Variants in COA5 observed in about 807,000 individuals in gnomAD.
COA5 encodes the protein cytochrome c oxidase assembly factor 5, also known as protein C2orf64.
A neutral mutation model predicts 11.8 loss-of-function variants in COA5; 11 were observed. The ratio of observed to expected loss-of-function variants is 0.93; its 90% CI spans 0.59 to 1.54. The LOEUF (loss-of-function observed/expected upper bound fraction) is 1.54. Among genes scored for constraint, COA5 ranks in the 40% most tolerant of loss-of-function variants. The probability of loss-of-function intolerance (pLI) is 0.00; values close to 1 mark genes in which losing one functional copy is unlikely to be tolerated. For missense variants in COA5, 87 were observed against 89.2 expected (o/e 0.97, Z 0.10); for synonymous variants, 38 against 37.5 (o/e 1.01, Z -0.05).
In COA5 at chr2:98,608,326, T is replaced by G. The variant is rs1559146171; in HGVS notation, c.80A>C (p.Gln27Pro). Residue 27 changes from glutamine (Q) to proline (P), a missense_variant, in exon 1 of 3, where the codon CAG (glutamine) becomes CCG (proline). Physicochemically the swap from Gln to Pro is moderately conservative, Grantham distance 76. Coordinates refer to ENST00000328709, the MANE Select transcript of COA5 (RefSeq NM_001008215.3). ...LKEDLGACLL[Q>P]SDCVVQEGKS... is the part of the protein sequence containing the mutation. ...CGCTACCTGGACCACACAGTCCGAC[T>G]GCAGCAGACACGCGCCCAGGTCCTC... 5.0e-6 allele frequency: 8 copies of G among 1,607,192 alleles called. No homozygotes were observed. The highest frequency in any genetic ancestry group is 6.8e-6 in the Non-Finnish European group (8 of 1,177,708).
chr2:98,605,363 G>A (rs925990694), intron 1 of COA5, among the ~76,000 whole-genome samples: 1 of 152,148 alleles, frequency 6.6e-6, no homozygotes, highest in Non-Finnish European at 1.5e-5. Context: ...TAAGGTTGCC[G>A]GGCCTGATGA....
Position 98,600,535 on chromosome 2 carries a change from A to G in COA5, c.*217T>C, listed in dbSNP as rs998426227. 2 of 581,636 alleles carry G rather than the reference A, an allele frequency of 3.4e-6. No homozygotes were observed. The highest frequency in any genetic ancestry group is 3.7e-5 in the African/African-American group (2 of 53,392). 36.0% of individuals were successfully genotyped at this position (581,636 alleles called of 1,614,324 possible). The stretch of plus-strand genomic sequence containing the variant: ...TTATGCTCCCAACCCATACCTGTTC[A>G]ATTAGGTTTTTCTTCTAAAAATAAC... On this transcript the variant is annotated 3_prime_UTR_variant, in exon 3 of 3. Transcript: ENST00000328709.
At chr2:98,601,497 A>G (rs1388155828) in intron 2 of COA5, among the ~76,000 whole-genome samples, 1 of 152,212 alleles carries the variant, frequency 6.6e-6, no homozygotes, top group African/African-American at 2.4e-5. Context: ...ACCACCTCAC[A>G]AACTGGCAGC....
chr2:98,605,690 GGAAA>G (rs1442037867), intron 1 of COA5: 1 of 152,172 alleles, frequency 6.6e-6, no homozygotes, highest in Non-Finnish European at 1.5e-5. Context: ...AACCAACCTA[GGAAA>G]GAAACTTTTA....
rs1244561933 is a variant in COA5 at position 98,608,444 on chromosome 2, C to T, written c.-39G>A. On this transcript the variant is annotated 5_prime_UTR_variant, in exon 1 of 3. Coordinates refer to ENST00000328709, the MANE Select transcript of COA5 (RefSeq NM_001008215.3). ...CTCCGATGCGGACGCGACTTTCTCCCACCGCAACACTTGCAACCGGGTCGG... is the reference window on the plus strand; with the variant it reads ...CTCCGATGCGGACGCGACTTTCTCCTACCGCAACACTTGCAACCGGGTCGG... The T allele has an allele frequency of 2.7e-6, 4 of 1,461,618 alleles. No homozygotes were observed. Among genetic ancestry groups the T allele is most frequent in the East Asian group, 2.4e-5 (1 of 41,752 alleles). The allele number at this position is 1,461,618 out of a possible 1,614,324, so 90.5% of individuals were successfully genotyped here.
At chr2:98,607,248 G>A (rs1319103483) in intron 1 of COA5, among the ~76,000 whole-genome samples, 3 of 152,174 alleles carry the variant, frequency 2.0e-5, no homozygotes, top group African/African-American at 7.2e-5. Context: ...CCACTTAAGA[G>A]GCATTTACCA....
At position 98,604,122 on chromosome 2, in the gene COA5, A is replaced by C. The variant is rs1559144711; in HGVS notation, c.169T>G (p.Cys57Gly). 6.2e-7 allele frequency: 1 copy of C among 1,613,466 alleles called. No individual in the cohort carries two copies. The highest frequency in any genetic ancestry group is 1.3e-5 in the African/African-American group (1 of 74,910). The change falls in exon 2 of 3, where the codon TGT becomes GGT. Residue 57 changes from cysteine to glycine, a missense_variant. Physicochemically the swap from Cys to Gly is radical, Grantham distance 159 (BLOSUM62 -3). Coordinates refer to ENST00000328709, the MANE Select transcript of COA5 (RefSeq NM_001008215.3). ...TAACCACTTACCACTGATCTTTTAC[A>C]CTCAAAAAATGCGTACTTCAAAGAG... Reference protein sequence around the residue: ...CNSLKYAFFECKRSVLDNRAR... With the variant: ...CNSLKYAFFEGKRSVLDNRAR...
At chr2:98,606,990 T>G (rs756473482) in intron 1 of COA5, among the ~76,000 whole-genome samples, 9 of 152,234 alleles carry the variant, frequency 5.9e-5, no homozygotes, top group Non-Finnish European at 1.3e-4. Context: ...TACTCAACTT[T>G]TAAGACTCAG....
At chr2:98,608,256 G>T in intron 1 of COA5, 51 bp downstream of exon 1, 1 of 1,409,748 alleles carries the variant, frequency 7.1e-7, no homozygotes, top group Non-Finnish European at 9.8e-7. Flanking sequence ...CGCCGAGCCA[G>T]GCCTGCCTGG....
intron 1 of COA5, among the ~76,000 whole-genome samples, chr2:98,605,125 T>C (rs1356413188): frequency 6.6e-6 from 1 of 152,252 alleles, no homozygotes; most frequent in Non-Finnish European, 1.5e-5. Flanking sequence ...CTAGATACAC[T>C]AAAGCTAAGA....
chr2:98,600,391 C>T lies in COA5; in HGVS notation c.*361G>A, dbSNP rs1257494823. On this transcript the variant is annotated 3_prime_UTR_variant, in exon 3 of 3. Coordinates refer to ENST00000328709, the MANE Select transcript of COA5 (RefSeq NM_001008215.3). ...ACCTTCTGGATAGGCTGCATGTTAT[C>T]GACTGTGTCAGTCAAATCAGTGGCC... 1.4e-5 allele frequency: 4 copies of T among 278,858 alleles called. No homozygotes were observed. Among genetic ancestry groups the T allele is most frequent in the South Asian group, 4.5e-5 (1 of 22,300 alleles). The allele number at this position is 278,858 out of a possible 1,614,324, so 17.3% of individuals were successfully genotyped here.
At chr2:98,603,110 CGTAA>C (rs1700664540) in intron 2 of COA5, among the ~76,000 whole-genome samples, 3 of 152,248 alleles carry the variant, frequency 2.0e-5, no homozygotes, top group South Asian at 4.1e-4. Flanking sequence ...ACTTGCAGGT[CGTAA>C]GTATCAGTAC....
At chr2:98,606,979 C>T (rs1700715659) in intron 1 of COA5, among the ~76,000 whole-genome samples, 1 of 152,208 alleles carries the variant, frequency 6.6e-6, no homozygotes, top group Non-Finnish European at 1.5e-5. Context: ...TGATAAACTA[C>T]TACTCAACTT....
intron 1 of COA5, 111 bp downstream of exon 1, chr2:98,608,196 C>T: frequency 1.3e-6 from 1 of 770,674 alleles, no homozygotes; most frequent in South Asian, 1.5e-5. Flanking sequence ...CTGTGACCTA[C>T]GCCCGGGATG....
At position 98,608,330 on chromosome 2, in the gene COA5, G is replaced by A. The variant is rs776853287; in HGVS notation, c.76C>T (p.Leu26=). The change falls in exon 1 of 3, where the codon CTG becomes TTG. Residue 26 remains leucine, a synonymous_variant. Coordinates refer to ENST00000328709, the MANE Select transcript of COA5 (RefSeq NM_001008215.3). ...ACCTGGACCACACAGTCCGACTGCA[G>A]CAGACACGCGCCCAGGTCCTCCTTC... ...GLKEDLGACL[L]QSDCVVQEGK... The A allele has an allele frequency of 6.2e-6, 10 of 1,607,780 alleles. No individual in the cohort carries two copies. In the African/African-American group the frequency reaches 1.1e-4, roughly 17 times the overall value.
At chr2:98,608,131 A>C in intron 1 of COA5, 176 bp downstream of exon 1, 1 of 622,788 alleles carries the variant, frequency 1.6e-6, no homozygotes, top group South Asian at 1.8e-5. Context: ...TTAACCCCAC[A>C]GGGAACTGGG....
intron 2 of COA5, among the ~76,000 whole-genome samples, chr2:98,601,488 C>A (rs999717199): frequency 6.6e-6 from 1 of 152,192 alleles, no homozygotes; most frequent in African/African-American, 2.4e-5. Flanking sequence ...AGGTGAATTA[C>A]CACCTCACAA....
At position 98,608,303 on chromosome 2, in the gene COA5, C is replaced by T. The variant is rs770932043; in HGVS notation, c.99+4G>A. 2 of 1,593,974 alleles carry T rather than the reference C, an allele frequency of 1.3e-6. No homozygotes were observed. Among genetic ancestry groups the T allele is most frequent in the Non-Finnish European group, 8.5e-7 (1 of 1,171,272 alleles). ...TCACCACCGGGAGCGCCCGGCCGCG[C>T]TACCTGGACCACACAGTCCGACTGC... On this transcript the variant is annotated splice_donor_region_variant and intron_variant, in intron 1 of 2. Transcript: ENST00000328709.
rs1700613498 is a variant in COA5, at chr2:98,599,631, A to C, written c.*1121T>G. On this transcript the variant is annotated 3_prime_UTR_variant, in exon 3 of 3. Transcript: ENST00000328709. ...GCCCCGATTGCTTTAACTCCAGTGA[A>C]CCACGGAGGTATAAAGACGCTAGAG... 1 of 152,206 alleles carries C rather than the reference A, an allele frequency of 6.6e-6. No homozygotes were observed. The highest frequency in any genetic ancestry group is 1.5e-5 in the Non-Finnish European group (1 of 68,028). 9.4% of individuals were successfully genotyped at this position (152,206 alleles called of 1,614,324 possible).
Sources: gnomAD v4.1 joint callset for allele counts (sites outside exome capture counted in the v4.1 genomes callset) on GRCh38, gnomAD v4.1.1 for gene constraint, MANE v1.5 for transcripts, NCBI Gene and HGNC (gene_info 2026-07-23, HGNC 2026-07-21) for gene names.